Variants in NLGN1 observed in about 807,000 individuals in gnomAD.
NLGN1 encodes the protein neuroligin-1.
A neutral mutation model predicts 65.5 loss-of-function variants in NLGN1; 12 were observed. The observed-to-expected ratio is 0.18, with a 90% CI of 0.12 to 0.30. The LOEUF (loss-of-function observed/expected upper bound fraction) is 0.30. NLGN1 is among the 10% of genes least tolerant of loss of function. The pLI is 1.00. For missense variants in NLGN1, 750 were observed against 1,007.1 expected (o/e 0.74, Z 3.46); for synonymous variants, 350 against 359.5 (o/e 0.97, Z 0.30).
intron 5 of NLGN1, among the ~76,000 whole-genome samples, chr3:174,277,801 G>C (rs1750864355): frequency 6.6e-6 from 1 of 151,710 alleles, no homozygotes; most frequent in African/African-American, 2.4e-5. Context: ...AATTCAGACA[G>C]TGCTTCAACA....
At chr3:173,638,357 G>C (rs1756914408) in intron 3 of NLGN1, among the ~76,000 whole-genome samples, 1 of 146,264 alleles carries the variant, frequency 6.8e-6, no homozygotes, top group Admixed American at 7.0e-5. Flanking sequence ...TCCTTTAATG[G>C]GAAAAGGTTC....
intron 4 of NLGN1, among the ~76,000 whole-genome samples, chr3:174,206,768 G>A (rs747644551): frequency 1.4e-4 from 21 of 152,148 alleles, no homozygotes; most frequent in Non-Finnish European, 2.5e-4. Flanking sequence ...AGAACCTAGG[G>A]AGTACCACAT....
At chr3:173,755,251 G>T (rs115660516) in intron 3 of NLGN1, among the ~76,000 whole-genome samples, 1,851 of 151,916 alleles carry the variant, frequency 0.012, 32 homozygotes, top group African/African-American at 0.043. Context: ...ATGTTATATT[G>T]GTATAATATT....
At chr3:174,220,082 G>A (rs1738355687) in intron 4 of NLGN1, among the ~76,000 whole-genome samples, 2 of 86,634 alleles carry the variant, frequency 2.3e-5, no homozygotes, top group African/African-American at 8.2e-5. Context: ...TCTAAAGAGA[G>A]AGACAACACT....
At chr3:173,400,301 C>T (rs1026612830) in intron 1 of NLGN1, among the ~76,000 whole-genome samples, 2 of 151,998 alleles carry the variant, frequency 1.3e-5, no homozygotes, top group Non-Finnish European at 2.9e-5. Context: ...TAACATTGGC[C>T]AGTGGCTCCT....
At chr3:173,483,562 A>G (rs1425165355) in intron 2 of NLGN1, among the ~76,000 whole-genome samples, 1 of 152,164 alleles carries the variant, frequency 6.6e-6, no homozygotes, top group Non-Finnish European at 1.5e-5. Flanking sequence ...ATGAGAAAAT[A>G]TAGAATCTAC....
chr3:173,752,957 A>G (rs572209888), intron 3 of NLGN1, among the ~76,000 whole-genome samples: 1 of 152,116 alleles, frequency 6.6e-6, no homozygotes, highest in African/African-American at 2.4e-5. Flanking sequence ...CTTCCCTTAT[A>G]CTCCAAGAAA....
At chr3:173,715,314 A>AC (rs1769665240) in intron 3 of NLGN1, among the ~76,000 whole-genome samples, 3 of 152,190 alleles carry the variant, frequency 2.0e-5, no homozygotes, top group Non-Finnish European at 2.9e-5. Context: ...TTTCATGTCC[A>AC]ATTCTACAAT....
intron 4 of NLGN1, among the ~76,000 whole-genome samples, chr3:174,268,478 G>A (rs188535253): frequency 5.7e-4 from 86 of 152,204 alleles, no homozygotes; most frequent in Admixed American, 2.2e-3. Context: ...GTATCTTGGG[G>A]CATTCTTGAA....
At chr3:173,419,400 G>C (rs894548972) in intron 1 of NLGN1, among the ~76,000 whole-genome samples, 1 of 151,842 alleles carries the variant, frequency 6.6e-6, no homozygotes, top group African/African-American at 2.4e-5. Flanking sequence ...CAGCTGGAGG[G>C]GGGCAGCTAG....
At chr3:173,755,777 G>T (rs1484298015) in intron 3 of NLGN1, among the ~76,000 whole-genome samples, 1 of 152,080 alleles carries the variant, frequency 6.6e-6, no homozygotes, top group Admixed American at 6.6e-5. Flanking sequence ...GCACACTCAA[G>T]AACCCTGATA....
intron 3 of NLGN1, among the ~76,000 whole-genome samples, chr3:173,612,750 T>A (rs1360715608): frequency 6.6e-6 from 1 of 152,114 alleles, no homozygotes; most frequent in Non-Finnish European, 1.5e-5. Context: ...ACAAACTGGG[T>A]AGCGTAAACA....
At chr3:173,475,143 C>G (rs914874772) in intron 2 of NLGN1, among the ~76,000 whole-genome samples, 3 of 152,066 alleles carry the variant, frequency 2.0e-5, no homozygotes, top group African/African-American at 7.2e-5. Flanking sequence ...AAGTGTCTTA[C>G]TAATTAATTT....
chr3:173,621,138 A>G (rs1025754523), intron 3 of NLGN1, among the ~76,000 whole-genome samples: 2 of 152,178 alleles, frequency 1.3e-5, no homozygotes, highest in African/African-American at 2.4e-5. Flanking sequence ...AAAATGTGAT[A>G]TAAAGGCAGA....
intron 4 of NLGN1, among the ~76,000 whole-genome samples, chr3:173,815,061 C>T (rs1471171094): frequency 1.4e-5 from 2 of 146,422 alleles, no homozygotes; most frequent in Non-Finnish European, 3.0e-5. Context: ...TCTTTCTCTC[C>T]TTCCTTCTTT....
In NLGN1 at chr3:173,706,777, A is replaced by G. The variant is rs148434094; in HGVS notation, c.494-100903A>G. 3.1e-3 allele frequency among the ~76,000 whole-genome samples: 471 copies of G among 152,386 alleles called. 2 individuals are homozygous for G. The highest frequency in any genetic ancestry group is 0.02 in the East Asian group (106 of 5,184). On this transcript the variant is annotated intron_variant, in intron 3 of 6. Transcript: ENST00000457714. ...TATGGTTACAGACATGGTTATACAC[A>G]TAGATATAGATTTGGACAAAGACAC...
chr3:174,286,882 A>C (rs1156519039), downstream of NLGN1, among the ~76,000 whole-genome samples: 1 of 151,446 alleles, frequency 6.6e-6, no homozygotes, highest in African/African-American at 2.4e-5. Flanking sequence ...AAGAGAGAGG[A>C]AAGTGGGAGA....
intron 4 of NLGN1, among the ~76,000 whole-genome samples, chr3:173,812,928 A>G (rs1441778424): frequency 6.7e-6 from 1 of 149,926 alleles, no homozygotes; most frequent in African/African-American, 2.4e-5. Context: ...AAGAGCTTTC[A>G]CTATAGTTGA....
At chr3:173,435,698 G>A (rs944415438) in intron 2 of NLGN1, among the ~76,000 whole-genome samples, 1 of 152,098 alleles carries the variant, frequency 6.6e-6, no homozygotes, top group Admixed American at 6.5e-5. Context: ...AGCCAGGCGT[G>A]GCAGTGCACG....
Sources: allele counts gnomAD v4.1 joint callset (sites outside exome capture counted in the v4.1 genomes callset), GRCh38; gene constraint gnomAD v4.1.1; transcripts MANE v1.5; gene names NCBI Gene and HGNC (gene_info 2026-07-23, HGNC 2026-07-21).